Variants in PLCE1 observed in about 807,000 individuals in gnomAD.
PLCE1 encodes phospholipase C epsilon 1.
In PLCE1, 119 loss-of-function variants were observed where a neutral mutation model predicts 242.8. The observed-to-expected ratio is 0.49, with a 90% confidence interval of 0.42 to 0.57. PLCE1 has a LOEUF of 0.57. Among genes scored for constraint, PLCE1 ranks in the 20% least tolerant of loss-of-function variants. The pLI, the probability that PLCE1 is intolerant of heterozygous loss-of-function variation, is 0.00. For missense variants in PLCE1, 2,441 were observed against 2,788.8 expected, an observed-to-expected ratio of 0.88 and a Z score of 2.81; for synonymous variants, 945 against 1,017.4, an observed-to-expected ratio of 0.93 and a Z score of 1.35.
At chr10:94,093,782 G>T (rs143106333) in intron 2 of PLCE1, among the ~76,000 whole-genome samples, 1 of 152,032 alleles carries the variant, frequency 6.6e-6, no homozygotes, top group Non-Finnish European at 1.5e-5. Flanking sequence ...ACTCTGTGTC[G>T]CAGAGTAGAA....
In PLCE1 at chr10:94,304,500, A is replaced by G; in HGVS notation, c.5477A>G (p.Asn1826Ser). ...TTTACAGATCTCCCTTTACATTTAA[A>G]TGCTGCAATGTTTGAGGCAAATGGT... The part of the protein sequence containing the change: ...YQTDDLPLHL[N>S]AAMFEANGGC... Residue 1826 changes from asparagine (N) to serine (S), a missense_variant, in exon 25 of 33, where the codon AAT becomes AGT. Asn to Ser is a conservative substitution (Grantham distance 46, BLOSUM62 1). Transcript: ENST00000371380. The G allele has an allele frequency of 6.2e-7, 1 of 1,614,100 alleles. No individual in the cohort carries two copies. The highest frequency in any genetic ancestry group is 1.1e-5 in the South Asian group (1 of 91,076).
rs1002275700 is a variant in PLCE1, at chr10:94,328,591, C to T, written c.*648C>T. The T allele has an allele frequency of 1.3e-5, 2 of 152,126 alleles. No individual in the cohort carries two copies. The highest frequency in any genetic ancestry group is 2.9e-5 in the Non-Finnish European group (2 of 68,050). The allele number at this position is 152,126 out of a possible 1,614,324, so 9.4% of individuals were successfully genotyped here. On this transcript the variant is annotated 3_prime_UTR_variant, in exon 33 of 33. Coordinates refer to ENST00000371380, the MANE Select transcript of PLCE1 (RefSeq NM_016341.4). ...AACAAGGAGCACAAAGATCTGAAAA[C>T]AGGAAAGGAAGTTTAGCCATACATT...
At chr10:94,111,951 C>A (rs1316640117) in intron 2 of PLCE1, among the ~76,000 whole-genome samples, 1 of 152,118 alleles carries the variant, frequency 6.6e-6, no homozygotes, top group Non-Finnish European at 1.5e-5. Context: ...TATGTGAGGC[C>A]TAGACAGGAA....
intron 2 of PLCE1, among the ~76,000 whole-genome samples, chr10:94,060,833 A>T (rs554107536): frequency 1.3e-3 from 195 of 151,830 alleles, no homozygotes; most frequent in African/African-American, 4.7e-3. Context: ...AGTAGCTGGG[A>T]CTACAGGCGC....
At chr10:94,034,653 C>A (rs894077540) in intron 2 of PLCE1, among the ~76,000 whole-genome samples, 1 of 152,124 alleles carries the variant, frequency 6.6e-6, no homozygotes, top group Admixed American at 6.6e-5. Context: ...TCAGACTTGG[C>A]CATGTTAGGT....
chr10:93,999,577 A>G (rs974346606), intron 1 of PLCE1, among the ~76,000 whole-genome samples: 1 of 152,190 alleles, frequency 6.6e-6, no homozygotes, highest in South Asian at 2.1e-4. Context: ...TCCCCAGAAC[A>G]CTGGTTATTG....
chr10:94,084,192 T>C (rs996994547), intron 2 of PLCE1, among the ~76,000 whole-genome samples: 3 of 152,254 alleles, frequency 2.0e-5, no homozygotes, highest in African/African-American at 7.2e-5. Context: ...TAAAGCCACC[T>C]GGAAGCTCTC....
At chr10:94,252,775 G>A (rs983210039) in intron 9 of PLCE1, among the ~76,000 whole-genome samples, 2 of 152,152 alleles carry the variant, frequency 1.3e-5, no homozygotes, top group Non-Finnish European at 2.9e-5. Flanking sequence ...TGTGGGGGCA[G>A]AGAGAAGGAA....
intron 2 of PLCE1, among the ~76,000 whole-genome samples, chr10:94,117,827 G>A (rs2046180116): frequency 1.3e-5 from 2 of 152,288 alleles, no homozygotes; most frequent in South Asian, 4.1e-4. Flanking sequence ...ACAAAGTGAA[G>A]GACAACATTA....
chr10:94,233,561 C>T (rs2050216367), intron 5 of PLCE1, among the ~76,000 whole-genome samples: 1 of 152,178 alleles, frequency 6.6e-6, no homozygotes, highest in Non-Finnish European at 1.5e-5. Context: ...TGTATCTGTC[C>T]TATTTATTTT....
At chr10:94,027,579 C>T (rs918505971) in intron 1 of PLCE1, among the ~76,000 whole-genome samples, 13 of 152,116 alleles carry the variant, frequency 8.5e-5, no homozygotes, top group African/African-American at 1.9e-4. Flanking sequence ...TCCAGCACTT[C>T]GGGAAGCCAA....
At chr10:94,011,364 C>T (rs1298674351) in intron 1 of PLCE1, among the ~76,000 whole-genome samples, 2 of 152,160 alleles carry the variant, frequency 1.3e-5, no homozygotes, top group Non-Finnish European at 2.9e-5. Context: ...ATGAGGAATA[C>T]ACTCCATGAT....
chr10:94,030,407 G>A (rs746838384), intron 1 of PLCE1, among the ~76,000 whole-genome samples: 13 of 150,248 alleles, frequency 8.7e-5, no homozygotes, highest in Admixed American at 1.3e-4. Flanking sequence ...TGTGTTGCTC[G>A]TTGTTCAATA....
chr10:94,020,462 G>A (rs1400679622), intron 1 of PLCE1, among the ~76,000 whole-genome samples: 4 of 152,082 alleles, frequency 2.6e-5, no homozygotes, highest in South Asian at 2.1e-4. Context: ...CTTTTGAAGA[G>A]GAGATGTTTT....
In PLCE1 at chr10:94,171,183, G is replaced by T; in HGVS notation, c.1496G>T (p.Arg499Leu). 6.2e-7 allele frequency: 1 copy of T among 1,613,976 alleles called. No homozygotes were observed. Among genetic ancestry groups the T allele is most frequent in the Admixed American group, 1.7e-5 (1 of 60,018 alleles). Reference sequence around the variant, plus strand: ...GACTTCTGTTGCTTTGTTTTAGAACGCCAGCCAGGCCCCTCTGTGGCCAAT... The same window carrying T: ...GACTTCTGTTGCTTTGTTTTAGAACTCCAGCCAGGCCCCTCTGTGGCCAAT... ...GSTGRMMLKERQPGPSVANSN... is the reference protein window; with the variant it reads ...GSTGRMMLKELQPGPSVANSN... Residue 499 changes from arginine to leucine, a missense_variant, in exon 4 of 33, where the codon CGC becomes CTC. Physicochemically the swap from Arg to Leu is moderately radical, Grantham distance 102. Transcript: ENST00000371380.
chr10:94,248,314 A>G (rs1402178329), intron 8 of PLCE1, among the ~76,000 whole-genome samples: 2 of 152,194 alleles, frequency 1.3e-5, no homozygotes, highest in Non-Finnish European at 2.9e-5. Context: ...TGGAAAACAA[A>G]TACCTGACTG....
rs574102133 is a variant in PLCE1, at chr10:94,088,120, T to C, written c.1207-44054T>C. 4 of 152,294 alleles carry C rather than the reference T, an allele frequency of 2.6e-5. No homozygotes were observed. The South Asian group carries it at 8.3e-4, about 32-fold the overall frequency. 9.4% of individuals were successfully genotyped at this position (152,294 alleles called of 1,614,324 possible). On this transcript the variant is annotated intron_variant, in intron 2 of 32. Coordinates refer to ENST00000371380, the MANE Select transcript of PLCE1 (RefSeq NM_016341.4). ...AAGCATGCTGACAAACCTGGTACCA[T>C]TACCTAATAGCTTACCACTACTTGA...
chr10:94,252,926 A>G (rs1376126959), intron 9 of PLCE1, among the ~76,000 whole-genome samples: 24 of 152,158 alleles, frequency 1.6e-4, no homozygotes, highest in Admixed American at 1.6e-3. Flanking sequence ...GGCATAAAAG[A>G]CAGCTTGTTC....
intron 31 of PLCE1, 116 bp from the exon 32 acceptor site, chr10:94,324,776 C>T (rs2053948141): frequency 9.0e-7 from 1 of 1,113,908 alleles, no homozygotes. Flanking sequence ...AGCTCCTCAG[C>T]CCTACTCTCT....
Sources: gnomAD v4.1 joint callset for allele counts (sites outside exome capture counted in the v4.1 genomes callset) on GRCh38, gnomAD v4.1.1 for gene constraint, MANE v1.5 for transcripts, NCBI Gene and HGNC (gene_info 2026-07-23, HGNC 2026-07-21) for gene names.